ONECUT2: variants seen among roughly 807,000 people sequenced by gnomAD.
ONECUT2 encodes the protein one cut domain family member 2.
A neutral mutation model predicts 27.9 loss-of-function variants in ONECUT2; 10 were observed. The ratio of observed to expected loss-of-function variants is 0.36; its 90% CI spans 0.22 to 0.61. The LOEUF (loss-of-function observed/expected upper bound fraction) is 0.61, where lower values mean the gene tolerates loss of function less well. Ranked by LOEUF, ONECUT2 falls within the 20% of genes least tolerant of loss-of-function variation. ONECUT2 has a pLI of 0.73. For missense variants in ONECUT2, 686 were observed against 721.0 expected (o/e 0.95, Z 0.56); for synonymous variants, 334 against 315.1 (o/e 1.06, Z -0.64).
chr18:57,476,547 G>A lies in ONECUT2; in HGVS notation c.1339G>A (p.Glu447Lys). Residue 447 changes from glutamate to lysine, a missense_variant, in exon 2 of 2, where the codon GAG (glutamate) becomes AAG (lysine). Transcript: ENST00000491143. ...CCGAACACTCTTCGCCATCTTCAAG[G>A]AGAACAAACGCCCGTCAAAGGAGAT... ...QRRTLFAIFK[E>K]NKRPSKEMQI... 1 of 1,614,222 alleles carries A rather than the reference G, an allele frequency of 6.2e-7. No individual in the cohort carries two copies. The highest frequency in any genetic ancestry group is 8.5e-7 in the Non-Finnish European group (1 of 1,180,040).
rs1176098779 is a variant in ONECUT2 at position 57,488,119 on chromosome 18, C to G, written c.*11396C>G. Reference sequence around the variant, plus strand: ...ACGTGCTCTCGTGAATAATAAAAAGCAACATATTTTTATTTGGCCTTATAA... The same window carrying G: ...ACGTGCTCTCGTGAATAATAAAAAGGAACATATTTTTATTTGGCCTTATAA... On this transcript the variant is annotated 3_prime_UTR_variant, in exon 2 of 2. Transcript: ENST00000491143. 2 of 152,536 alleles carry G rather than the reference C, an allele frequency of 1.3e-5. No homozygotes were observed. The highest frequency in any genetic ancestry group is 2.9e-5 in the Non-Finnish European group (2 of 67,998). The allele number at this position is 152,536 out of a possible 1,614,324, so 9.4% of individuals were successfully genotyped here.
Position 57,435,978 on chromosome 18 carries a change from C to CACCAGGAGCTGGGCACGGCG in ONECUT2, c.263_282dup (p.Ala95ThrfsTer44). The stretch of plus-strand genomic sequence containing the variant: ...GGGCCCTCCGCCGCCTCCAACCGCG[C>CACCAGGAGCTGGGCACGGCG]ACCAGGAGCTGGGCACGGCGGCAGC... On this transcript the variant is annotated frameshift_variant, in exon 1 of 2. Coordinates refer to ENST00000491143, the MANE Select transcript of ONECUT2 (RefSeq NM_004852.3). LOFTEE classifies it high-confidence loss of function. The CACCAGGAGCTGGGCACGGCG allele has an allele frequency of 6.9e-7, 1 of 1,457,260 alleles. No homozygotes were observed. The highest frequency in any genetic ancestry group is 2.6e-5 in the East Asian group (1 of 37,966). 90.3% of individuals were successfully genotyped at this position (1,457,260 alleles called of 1,614,324 possible).
chr18:57,474,845 G>A (rs1481370205), intron 1 of ONECUT2, among the ~76,000 whole-genome samples: 1 of 152,148 alleles, frequency 6.6e-6, no homozygotes, highest in Non-Finnish European at 1.5e-5. Flanking sequence ...ACATAGGAAA[G>A]CATCTGAGCA....
chr18:57,451,951 G>A (rs1026510532), intron 1 of ONECUT2, among the ~76,000 whole-genome samples: 8 of 151,980 alleles, frequency 5.3e-5, no homozygotes, highest in Non-Finnish European at 7.4e-5. Flanking sequence ...TGGGGGGGGC[G>A]GTGTTGGTGT....
rs140119133 is a variant in ONECUT2, at chr18:57,446,332, T to C, written c.1228+9388T>C. The stretch of plus-strand genomic sequence containing the variant: ...CCACTGCCCCTCTATTTTCTATTTA[T>C]GTTCTCTTCATTACTGTGCATTACA... On this transcript the variant is annotated intron_variant, in intron 1 of 1. Coordinates refer to ENST00000491143, the MANE Select transcript of ONECUT2 (RefSeq NM_004852.3). Among the ~76,000 whole-genome samples the C allele has an allele frequency of 3.5e-3, 539 of 152,342 alleles. 14 individuals carry two copies. The highest frequency in any genetic ancestry group is 0.027 in the Admixed American group (412 of 15,308).
chr18:57,439,429 G>A (rs754014004), intron 1 of ONECUT2, among the ~76,000 whole-genome samples: 4 of 152,218 alleles, frequency 2.6e-5, no homozygotes, highest in Non-Finnish European at 4.4e-5. Context: ...TATTACCCTG[G>A]GTTGAAAAGG....
intron 1 of ONECUT2, among the ~76,000 whole-genome samples, chr18:57,454,810 C>T (rs541698834): frequency 2.6e-5 from 4 of 152,176 alleles, no homozygotes; most frequent in African/African-American, 4.8e-5. Flanking sequence ...ACTCCCTTAA[C>T]AGTTATGGAC....
At chr18:57,469,360 C>T (rs2050341319) in intron 1 of ONECUT2, among the ~76,000 whole-genome samples, 1 of 152,214 alleles carries the variant, frequency 6.6e-6, no homozygotes, top group African/African-American at 2.4e-5. Context: ...CACTCCCCAC[C>T]CTTGCCCTGA....
intron 1 of ONECUT2, among the ~76,000 whole-genome samples, chr18:57,451,885 G>C (rs1285979469): frequency 6.6e-6 from 1 of 152,170 alleles, no homozygotes; most frequent in Non-Finnish European, 1.5e-5. Context: ...GGGTGGAAAG[G>C]CTCTACAAAG....
In ONECUT2 at chr18:57,479,744, T is replaced by C. The variant is rs1370279454; in HGVS notation, c.*3021T>C. The C allele has an allele frequency of 6.6e-6, 1 of 152,504 alleles. No individual in the cohort carries two copies. The highest frequency in any genetic ancestry group is 2.4e-5 in the African/African-American group (1 of 41,400). 9.4% of individuals were successfully genotyped at this position (152,504 alleles called of 1,614,324 possible). On this transcript the variant is annotated 3_prime_UTR_variant, in exon 2 of 2. Coordinates refer to ENST00000491143, the MANE Select transcript of ONECUT2 (RefSeq NM_004852.3). ...CAGTGGGGTGCTCATCTTCTGTAAC[T>C]GTTGGGAAGGCTCGGTGGTCCATTT...
At chr18:57,462,723 CTTTTTTTTTTTTT>C (rs57032206) in intron 1 of ONECUT2, among the ~76,000 whole-genome samples, 2 of 68,998 alleles carry the variant, frequency 2.9e-5, no homozygotes, top group South Asian at 5.5e-4. Flanking sequence ...TATTTTCTTT[CTTTTTTTTTTTTT>C]TTTTTTTTTT....
chr18:57,438,549 A>C (rs2050156973), intron 1 of ONECUT2, among the ~76,000 whole-genome samples: 1 of 152,322 alleles, frequency 6.6e-6, no homozygotes, highest in South Asian at 2.1e-4. Flanking sequence ...TGTGACAGGC[A>C]GCAGGTTCAC....
chr18:57,452,644 C>T (rs1249775887), intron 1 of ONECUT2, among the ~76,000 whole-genome samples: 3 of 152,160 alleles, frequency 2.0e-5, no homozygotes, highest in East Asian at 3.9e-4. Context: ...AGGCTGGTCT[C>T]GAACTCCTGA....
chr18:57,452,443 G>C (rs1161496863), intron 1 of ONECUT2, among the ~76,000 whole-genome samples: 1 of 138,162 alleles, frequency 7.2e-6, no homozygotes, highest in Non-Finnish European at 1.5e-5. Context: ...TTTTATTTTA[G>C]AGACAGAGTC....
chr18:57,460,180 G>A (rs1369188072), intron 1 of ONECUT2, among the ~76,000 whole-genome samples: 1 of 147,088 alleles, frequency 6.8e-6, no homozygotes, highest in African/African-American at 2.5e-5. Context: ...CCCCACCTCA[G>A]CCTGTGTGCT....
intron 1 of ONECUT2, among the ~76,000 whole-genome samples, chr18:57,444,907 A>C (rs1257694879): frequency 6.6e-6 from 1 of 152,220 alleles, no homozygotes; most frequent in Non-Finnish European, 1.5e-5. Flanking sequence ...AGGAGGCAGA[A>C]TTGTGGGAAG....
Position 57,477,847 on chromosome 18 carries a change from G to A in ONECUT2, c.*1124G>A, listed in dbSNP as rs2050393198. On this transcript the variant is annotated 3_prime_UTR_variant, in exon 2 of 2. Transcript: ENST00000491143. ...TTTCCTCATCCATCCCATTAGTAGG[G>A]ATGTTTTCTGTGTTTTCTAGCAAGA... 6.6e-6 allele frequency: 1 copy of A among 152,322 alleles called. No individual in the cohort carries two copies. Among genetic ancestry groups the A allele is most frequent in the Admixed American group, 6.6e-5 (1 of 15,250 alleles). The allele number at this position is 152,322 out of a possible 1,614,324, so 9.4% of individuals were successfully genotyped here. A position where few individuals can be genotyped will look rare whatever the true frequency, so the allele number is the denominator to read the frequency against.
chr18:57,459,345 T>C (rs2050277479), intron 1 of ONECUT2, among the ~76,000 whole-genome samples: 1 of 152,174 alleles, frequency 6.6e-6, no homozygotes, highest in African/African-American at 2.4e-5. Context: ...GGAGGGTCAC[T>C]ACGTAATGAG....
chr18:57,466,969 C>T lies in ONECUT2; in HGVS notation c.1229-9468C>T, dbSNP rs145490784. On this transcript the variant is annotated intron_variant, in intron 1 of 1. Transcript: ENST00000491143. ...GTGTGCTTCCTACAGGCAGCACCTG[C>T]GGGCAGCTACAGGGGCCTGAACCTT... Among the ~76,000 whole-genome samples, 28 of 152,344 alleles carry T rather than the reference C, an allele frequency of 1.8e-4. No homozygotes were observed. In the East Asian group the frequency reaches 4.4e-3, roughly 24 times the overall value.
Sources: allele counts gnomAD v4.1 joint callset (sites outside exome capture counted in the v4.1 genomes callset), GRCh38; gene constraint gnomAD v4.1.1; transcripts MANE v1.5; gene names NCBI Gene and HGNC (gene_info 2026-07-23, HGNC 2026-07-21).